The following EPN2 variants were observed in gnomAD, a reference collection of about 807,000 sequenced individuals.
The protein encoded by EPN2 is epsin-2.
In EPN2, 34 loss-of-function variants were observed where a neutral mutation model predicts 61.7. That is an observed-to-expected ratio of 0.55 (90% CI 0.42 to 0.73). The LOEUF (loss-of-function observed/expected upper bound fraction) is 0.73, where lower values mean the gene tolerates loss of function less well. Ranked by LOEUF, EPN2 falls within the 30% of genes least tolerant of loss-of-function variation. The pLI is 0.00. For synonymous variants in EPN2, 349 were observed against 353.6 expected (o/e 0.99, Z 0.15); for missense variants, 714 against 839.2 (o/e 0.85, Z 1.84).
chr17:19,286,200 A>G (rs914600587), intron 4 of EPN2, among the ~76,000 whole-genome samples: 2 of 152,220 alleles, frequency 1.3e-5, no homozygotes, highest in African/African-American at 4.8e-5. Context: ...CCAGACAAAT[A>G]TAAGATCCTC....
chr17:19,319,347 T>C (rs1054244235), intron 7 of EPN2, among the ~76,000 whole-genome samples: 3 of 152,036 alleles, frequency 2.0e-5, no homozygotes, highest in Non-Finnish European at 4.4e-5. Flanking sequence ...TTTTTTGAGA[T>C]GGAGTCTCGT....
intron 7 of EPN2, among the ~76,000 whole-genome samples, chr17:19,318,560 A>AAAAAAAAAAAAAAG (rs1906497855): frequency 6.9e-6 from 1 of 145,502 alleles, no homozygotes; most frequent in Non-Finnish European, 1.5e-5. Context: ...AAAAAAAAAA[A>AAAAAAAAAAAAAAG]AAAAAAAGAG....
At chr17:19,275,302 G>A (rs1244391605) in intron 1 of EPN2, among the ~76,000 whole-genome samples, 1 of 152,202 alleles carries the variant, frequency 6.6e-6, no homozygotes, top group African/African-American at 2.4e-5. Flanking sequence ...TTGTGCACAG[G>A]GTTTGCAGTT....
intron 1 of EPN2, among the ~76,000 whole-genome samples, chr17:19,259,382 G>A (rs541811233): frequency 2.1e-5 from 3 of 141,296 alleles, no homozygotes; most frequent in East Asian, 4.3e-4. Flanking sequence ...GCACGATCTC[G>A]GCTCACTGCA....
intron 1 of EPN2, among the ~76,000 whole-genome samples, chr17:19,276,961 A>C (rs971598246): frequency 3.3e-5 from 5 of 152,130 alleles, no homozygotes; most frequent in Non-Finnish European, 7.4e-5. Context: ...GAAGGTAACA[A>C]ATGATCCTGT....
chr17:19,272,545 A>G (rs1396352217), intron 1 of EPN2, among the ~76,000 whole-genome samples: 1 of 152,092 alleles, frequency 6.6e-6, no homozygotes, highest in Non-Finnish European at 1.5e-5. Context: ...GTTTAATTCC[A>G]TCATTTTAGA....
chr17:19,251,552 G>A (rs1014637656), intron 1 of EPN2, among the ~76,000 whole-genome samples: 1 of 152,046 alleles, frequency 6.6e-6, no homozygotes, highest in African/African-American at 2.4e-5. Context: ...TCTTGCCTCA[G>A]CCTCCTGAGT....
chr17:19,307,594 C>T lies in EPN2; in HGVS notation c.767-2291C>T, dbSNP rs1006860128. Among the ~76,000 whole-genome samples the T allele has an allele frequency of 4.6e-5, 7 of 152,352 alleles. No individual in the cohort carries two copies. In the East Asian group the frequency reaches 9.6e-4, roughly 21 times the overall value. ...TCCTGACCTCGTGATCTGCCTGCCT[C>T]GGCATCCCGAAGTGCTGGGATTACA... On this transcript the variant is annotated intron_variant, in intron 4 of 10. Transcript: ENST00000314728.
At chr17:19,302,345 A>G (rs1016349158) in intron 4 of EPN2, among the ~76,000 whole-genome samples, 1 of 152,240 alleles carries the variant, frequency 6.6e-6, no homozygotes, top group Non-Finnish European at 1.5e-5. Context: ...CACCTAGGCC[A>G]GGGGTCCCCA....
intron 4 of EPN2, chr17:19,308,353 C>T (rs1905952735): frequency 2.0e-6 from 2 of 983,926 alleles, no homozygotes; most frequent in Non-Finnish European, 2.4e-6. Flanking sequence ...GGATTACAGG[C>T]ATAAGCCGCC....
chr17:19,292,937 G>A (rs1328687646), intron 4 of EPN2, among the ~76,000 whole-genome samples: 1 of 152,164 alleles, frequency 6.6e-6, no homozygotes, highest in African/African-American at 2.4e-5. Flanking sequence ...AAGAACTCTG[G>A]TTCTCTTTCC....
chr17:19,258,474 C>T (rs572941204), intron 1 of EPN2, among the ~76,000 whole-genome samples: 1 of 152,220 alleles, frequency 6.6e-6, no homozygotes, highest in South Asian at 2.1e-4. Context: ...TATTCTTCTC[C>T]GTTTGGTGAC....
intron 1 of EPN2, chr17:19,248,610 G>A (rs1271643327): frequency 6.6e-6 from 1 of 152,190 alleles, no homozygotes; most frequent in African/African-American, 2.4e-5. Context: ...CAGTGTCATT[G>A]TAATATATGG....
At chr17:19,240,751 C>T (rs543017946) in intron 1 of EPN2, among the ~76,000 whole-genome samples, 10 of 152,306 alleles carry the variant, frequency 6.6e-5, no homozygotes, top group East Asian at 1.9e-4. Context: ...GGTGCACTTA[C>T]GACATTGTCC....
At chr17:19,286,407 A>G (rs2045405442) in intron 4 of EPN2, among the ~76,000 whole-genome samples, 1 of 152,338 alleles carries the variant, frequency 6.6e-6, no homozygotes, top group African/African-American at 2.4e-5. Context: ...GGGTAACTAA[A>G]AATGGGGCTT....
intron 7 of EPN2, among the ~76,000 whole-genome samples, chr17:19,325,766 T>C (rs949797831): frequency 7.2e-5 from 11 of 152,136 alleles, no homozygotes. Flanking sequence ...TATAAAGGAC[T>C]AGAAAGAAGA....
At chr17:19,284,122 T>C (rs555725760) in intron 3 of EPN2, among the ~76,000 whole-genome samples, 1 of 152,352 alleles carries the variant, frequency 6.6e-6, no homozygotes, top group Admixed American at 6.5e-5. Flanking sequence ...CTTGTTTCTT[T>C]AATCTCATAT....
chr17:19,278,783 G>A (rs2045333335), intron 1 of EPN2, among the ~76,000 whole-genome samples: 1 of 152,134 alleles, frequency 6.6e-6, no homozygotes, highest in African/African-American at 2.4e-5. Context: ...CAGGTAGCTG[G>A]GATTCCAGGT....
At chr17:19,266,400 A>AT (rs1256116896) in intron 1 of EPN2, among the ~76,000 whole-genome samples, 7 of 148,718 alleles carry the variant, frequency 4.7e-5, no homozygotes, top group African/African-American at 1.5e-4. Flanking sequence ...ATTATTATTT[A>AT]TTTTATTTTT....
Sources: allele counts gnomAD v4.1 joint callset (sites outside exome capture counted in the v4.1 genomes callset), GRCh38; gene constraint gnomAD v4.1.1; transcripts MANE v1.5; gene names NCBI Gene and HGNC (gene_info 2026-07-23, HGNC 2026-07-21).